Variants in ZCCHC7 observed in about 807,000 individuals in gnomAD.
ZCCHC7 encodes zinc finger CCHC-type containing 7, also known as zinc finger CCHC domain-containing protein 7.
Under a neutral mutation model 52.0 loss-of-function variants are expected in ZCCHC7, and 35 were observed. The observed-to-expected ratio is 0.67, with a 90% CI of 0.51 to 0.89. The LOEUF (loss-of-function observed/expected upper bound fraction) is 0.89, where lower values mean the gene tolerates loss of function less well. Among genes scored for constraint, ZCCHC7 ranks in the 40% least tolerant of loss-of-function variants. The pLI is 0.00. For synonymous variants in ZCCHC7, 217 were observed against 221.5 expected, an observed-to-expected ratio of 0.98 and a Z score of 0.18; for missense variants, 574 against 649.1, an observed-to-expected ratio of 0.88 and a Z score of 1.26.
At chr9:37,342,018 G>A in intron 6 of ZCCHC7, among the ~76,000 whole-genome samples, 1 of 152,178 alleles carries the variant, frequency 6.6e-6, no homozygotes, top group East Asian at 1.9e-4. Flanking sequence ...AGAGTGGTAT[G>A]TTCTGATTTG....
At chr9:37,156,663 T>C (rs1485609691) in intron 2 of ZCCHC7, among the ~76,000 whole-genome samples, 2 of 152,060 alleles carry the variant, frequency 1.3e-5, no homozygotes, top group Non-Finnish European at 2.9e-5. Flanking sequence ...CCCACATTTA[T>C]GTTATAAGCC....
At chr9:37,179,083 A>C (rs143582454) in intron 2 of ZCCHC7, among the ~76,000 whole-genome samples, 1 of 152,194 alleles carries the variant, frequency 6.6e-6, no homozygotes, top group Admixed American at 6.5e-5. Context: ...TTGATCTTCA[A>C]AATAACCAGG....
chr9:37,207,592 TGTG>T, intron 2 of ZCCHC7, among the ~76,000 whole-genome samples: 1 of 151,214 alleles, frequency 6.6e-6, no homozygotes, highest in Non-Finnish European at 1.5e-5. Context: ...CTGTAATACA[TGTG>T]GTAATCCGTT....
chr9:37,219,902 T>G (rs1460925298), intron 2 of ZCCHC7, among the ~76,000 whole-genome samples: 1 of 152,160 alleles, frequency 6.6e-6, no homozygotes, highest in Non-Finnish European at 1.5e-5. Context: ...TGAATAGATA[T>G]CAAGGACGTC....
At chr9:37,290,034 TTTC>T (rs1828460349) in intron 2 of ZCCHC7, among the ~76,000 whole-genome samples, 1 of 152,224 alleles carries the variant, frequency 6.6e-6, no homozygotes. Context: ...TGCTCTACTT[TTTC>T]TTTTTTCCAA....
chr9:37,159,551 T>G (rs1430421205), intron 2 of ZCCHC7, among the ~76,000 whole-genome samples: 1 of 152,220 alleles, frequency 6.6e-6, no homozygotes, highest in African/African-American at 2.4e-5. Context: ...GGGGTGGAAC[T>G]TGGTCTGCTG....
At chr9:37,228,651 G>T (rs1048780921) in intron 2 of ZCCHC7, among the ~76,000 whole-genome samples, 2 of 151,862 alleles carry the variant, frequency 1.3e-5, no homozygotes, top group African/African-American at 4.8e-5. Flanking sequence ...TTACTGGTGT[G>T]AGCCCCTGTT....
At chr9:37,199,623 G>A (rs1266999723) in intron 2 of ZCCHC7, among the ~76,000 whole-genome samples, 2 of 150,330 alleles carry the variant, frequency 1.3e-5, no homozygotes, top group African/African-American at 4.9e-5. Flanking sequence ...GTGAGCCACC[G>A]TGCCCAGCCC....
chr9:37,218,899 ACT>A (rs1209335359), intron 2 of ZCCHC7, among the ~76,000 whole-genome samples: 2 of 151,332 alleles, frequency 1.3e-5, no homozygotes, highest in Admixed American at 6.6e-5. Context: ...CAGCTCTGTA[ACT>A]CTGCAGTCTT....
chr9:37,175,484 A>C (rs1821969501), intron 2 of ZCCHC7, among the ~76,000 whole-genome samples: 1 of 152,062 alleles, frequency 6.6e-6, no homozygotes, highest in Non-Finnish European at 1.5e-5. Context: ...TAGGCGGGTC[A>C]CTTGAGTCCA....
intron 2 of ZCCHC7, among the ~76,000 whole-genome samples, chr9:37,247,809 A>G (rs1254460358): frequency 2.0e-5 from 3 of 152,136 alleles, no homozygotes; most frequent in Non-Finnish European, 2.9e-5. Flanking sequence ...CCAACTAAGT[A>G]GTTCTCTGCT....
intron 2 of ZCCHC7, among the ~76,000 whole-genome samples, chr9:37,202,202 T>C (rs1823670354): frequency 6.6e-6 from 1 of 152,232 alleles, no homozygotes; most frequent in Non-Finnish European, 1.5e-5. Flanking sequence ...TTCTATTATG[T>C]ACCTTGTCTG....
Position 37,357,000 on chromosome 9 carries a change from G to A in ZCCHC7, c.1364G>A (p.Arg455Lys), listed in dbSNP as rs1343313015. The A allele has an allele frequency of 6.2e-7, 1 of 1,613,596 alleles. No homozygotes were observed. The change falls in exon 9 of 9, where the codon AGA becomes AAA. Residue 455 changes from arginine (R) to lysine (K), a missense_variant. Arg to Lys is a conservative substitution (Grantham distance 26, BLOSUM62 2). Coordinates refer to ENST00000336755, the MANE Select transcript of ZCCHC7 (RefSeq NM_032226.3). Reference protein sequence around the residue: ...ETQKEMKNKNRNWEKHRKADR... With the variant: ...ETQKEMKNKNKNWEKHRKADR... ...CAAAAAGAAATGAAGAACAAGAATA[G>A]AAACTGGGAGAAGCACAGGAAGGCT...
At chr9:37,276,972 C>G (rs1027515196) in intron 2 of ZCCHC7, among the ~76,000 whole-genome samples, 2 of 152,226 alleles carry the variant, frequency 1.3e-5, no homozygotes, top group African/African-American at 4.8e-5. Flanking sequence ...GCTAATCACT[C>G]CAGCCCAAAG....
chr9:37,203,839 G>A (rs1823762507), intron 2 of ZCCHC7, among the ~76,000 whole-genome samples: 1 of 152,088 alleles, frequency 6.6e-6, no homozygotes, highest in South Asian at 2.1e-4. Context: ...GGAATTGCTG[G>A]GTCAAATGGT....
chr9:37,184,487 A>G (rs1049900878), intron 2 of ZCCHC7, among the ~76,000 whole-genome samples: 1 of 151,316 alleles, frequency 6.6e-6, no homozygotes, highest in Non-Finnish European at 1.5e-5. Context: ...GCAGGATCCT[A>G]TTCCTGCTCT....
chr9:37,342,396 C>A (rs538507580), intron 6 of ZCCHC7, among the ~76,000 whole-genome samples: 15 of 152,134 alleles, frequency 9.9e-5, no homozygotes, highest in Non-Finnish European at 2.2e-4. Context: ...AGTAGAGATA[C>A]GTGAGTGTAG....
chr9:37,201,222 A>G (rs1417843886), intron 2 of ZCCHC7, among the ~76,000 whole-genome samples: 1 of 152,176 alleles, frequency 6.6e-6, no homozygotes, highest in African/African-American at 2.4e-5. Flanking sequence ...GGCCAGTTCA[A>G]TCCATTGTCT....
At chr9:37,271,749 T>C (rs1406310268) in intron 2 of ZCCHC7, among the ~76,000 whole-genome samples, 1 of 152,118 alleles carries the variant, frequency 6.6e-6, no homozygotes, top group Non-Finnish European at 1.5e-5. Flanking sequence ...TTTGTATTTT[T>C]AGGAGAGTCG....
Sources: allele counts gnomAD v4.1 joint callset (sites outside exome capture counted in the v4.1 genomes callset), GRCh38; gene constraint gnomAD v4.1.1; transcripts MANE v1.5; gene names NCBI Gene and HGNC (gene_info 2026-07-23, HGNC 2026-07-21).